TMPO: variants seen among roughly 807,000 people sequenced by gnomAD.
TMPO encodes the protein LEM domain containing 4.
TMPO carries 22 observed loss-of-function variants against 45.4 expected under a neutral mutation model. The observed-to-expected ratio is 0.48, with a 90% CI of 0.35 to 0.69. TMPO has a LOEUF of 0.69. Ranked by LOEUF, TMPO falls within the 30% of genes least tolerant of loss-of-function variation. The probability of loss-of-function intolerance (pLI) is 0.01; values close to 1 mark genes in which losing one functional copy is unlikely to be tolerated. For missense variants in TMPO, 512 were observed against 548.8 expected, an observed-to-expected ratio of 0.93 and a Z score of 0.67; for synonymous variants, 241 against 204.1, an observed-to-expected ratio of 1.18 and a Z score of -1.54.
rs370234157 is a variant in TMPO, at chr12:98,526,183, A to G, written c.280-1703A>G. 1.2e-4 allele frequency among the ~76,000 whole-genome samples: 19 copies of G among 152,356 alleles called. No individual in the cohort carries two copies. In the East Asian group the frequency reaches 1.7e-3, roughly 14 times the overall value. Reference sequence around the variant, plus strand: ...TATTTTTAGTAAACTGGTGGTACAGAAGTTAATCTGGTGACTAAACTGTGT... The same window carrying G: ...TATTTTTAGTAAACTGGTGGTACAGGAGTTAATCTGGTGACTAAACTGTGT... On this transcript the variant is annotated intron_variant, in intron 1 of 8. Coordinates refer to ENST00000556029, the MANE Select transcript of TMPO (RefSeq NM_001032283.3).
intron 4 of TMPO, among the ~76,000 whole-genome samples, chr12:98,537,938 C>T (rs187129467): frequency 6.6e-6 from 1 of 152,252 alleles, no homozygotes; most frequent in African/African-American, 2.4e-5. Context: ...CTCTAGATTT[C>T]TGACTTTGAT....
chr12:98,521,100 A>ATTTTTT lies in TMPO; in HGVS notation c.279+4974_279+4979dup, dbSNP rs398044704. Among the ~76,000 whole-genome samples the ATTTTTT allele has an allele frequency of 1.8e-4, 14 of 76,772 alleles. 1 individual carries two copies. The highest frequency in any genetic ancestry group is 4.4e-4 in the South Asian group (1 of 2,258). 50.4% of individuals were successfully genotyped at this position (76,772 alleles called of 152,430 possible). On this transcript the variant is annotated intron_variant, in intron 1 of 8. Coordinates refer to ENST00000556029, the MANE Select transcript of TMPO (RefSeq NM_001032283.3). ...CTATTTAATCATGGGTTTATGAGGA[A>ATTTTTT]TTTTTTTTTTTTTTTTTTTTTTTTT...
chr12:98,526,885 G>T (rs1157885213), intron 1 of TMPO, among the ~76,000 whole-genome samples: 1 of 151,970 alleles, frequency 6.6e-6, no homozygotes, highest in Non-Finnish European at 1.5e-5. Context: ...TTGAACCCGG[G>T]AGTCGGAGGT....
At chr12:98,535,826 T>G (rs1428853682) in intron 3 of TMPO, among the ~76,000 whole-genome samples, 2 of 152,232 alleles carry the variant, frequency 1.3e-5, no homozygotes, top group Non-Finnish European at 2.9e-5. Flanking sequence ...TTTTATTGAC[T>G]GTTGGAATCT....
chr12:98,545,570 TAAAGG>T (rs1334332339), intron 7 of TMPO, among the ~76,000 whole-genome samples: 2 of 152,202 alleles, frequency 1.3e-5, no homozygotes, highest in African/African-American at 4.8e-5. Flanking sequence ...GTTCTGGACA[TAAAGG>T]TAAACAGTAA....
intron 1 of TMPO, among the ~76,000 whole-genome samples, chr12:98,516,686 A>C (rs1392631985): frequency 2.6e-5 from 4 of 152,050 alleles, no homozygotes; most frequent in Non-Finnish European, 4.4e-5. Context: ...TGAACCGTTT[A>C]TGTTTTCTAG....
chr12:98,534,158 A>T (rs752271954), intron 3 of TMPO: 1 of 1,613,940 alleles, frequency 6.2e-7, no homozygotes, highest in Non-Finnish European at 8.5e-7. Flanking sequence ...GCTGCATTTG[A>T]TGAAGTGAAG....
At chr12:98,526,920 T>C (rs1876804982) in intron 1 of TMPO, among the ~76,000 whole-genome samples, 1 of 151,478 alleles carries the variant, frequency 6.6e-6, no homozygotes. Context: ...ATTGCACCGC[T>C]GCGCTCCAGC....
chr12:98,517,675 C>G (rs73136485), intron 1 of TMPO, among the ~76,000 whole-genome samples: 10,669 of 152,328 alleles, frequency 0.07, 532 homozygotes, highest in South Asian at 0.15. Context: ...AGTCCGGTGT[C>G]TGGCACATAG....
rs1877344567 is a variant in TMPO, at chr12:98,533,459, C to T, written c.565+1621C>T. 1 of 1,614,088 alleles carries T rather than the reference C, an allele frequency of 6.2e-7. No individual in the cohort carries two copies. Among genetic ancestry groups the T allele is most frequent in the South Asian group, 1.1e-5 (1 of 91,072 alleles). On this transcript the variant is annotated intron_variant, in intron 3 of 8. Transcript: ENST00000556029. ...TTGCCTGGAACTTCTAACTCTATGC[C>T]CCCACTGGATGTAGAAAACATACAG...
rs200273530 is a variant in TMPO, at chr12:98,547,842, C to G, written c.1349C>G (p.Pro450Arg). The G allele has an allele frequency of 1.8e-5, 29 of 1,614,030 alleles. No homozygotes were observed. The highest frequency in any genetic ancestry group is 2.4e-5 in the Non-Finnish European group (28 of 1,180,008). Residue 450 changes from proline to arginine, a missense_variant, in exon 9 of 9, where the codon CCT becomes CGT. Pro to Arg is a moderately radical substitution (Grantham distance 103). Around this residue, in one of 3 missense-constraint regions of TMPO, gnomAD observed 209 missense variants for 235.1 expected, o/e 0.89. Coordinates refer to ENST00000556029, the MANE Select transcript of TMPO (RefSeq NM_001032283.3). ...TTCTCTAATTTTCTTCATGTTGACC[C>G]TAGAAAATCCAACTGAATGGTATCT... ...NPFSNFLHVD[P>R]RKSN
chr12:98,528,086 T>G lies in TMPO; in HGVS notation c.406+74T>G, dbSNP rs1204126216. On this transcript the variant is annotated intron_variant, in intron 2 of 8. Transcript: ENST00000556029. Reference sequence around the variant, plus strand: ...CCCAAATTATTTTCTCCTTTTTGTTTAGCAGTTTAGGTTCCAAGGACTGGT... The same window carrying G: ...CCCAAATTATTTTCTCCTTTTTGTTGAGCAGTTTAGGTTCCAAGGACTGGT... 1.9e-6 allele frequency: 3 copies of G among 1,578,314 alleles called. No homozygotes were observed. In the Admixed American group the frequency reaches 5.0e-5, roughly 26 times the overall value.
chr12:98,539,865 A>AT (rs1244502592), intron 4 of TMPO, among the ~76,000 whole-genome samples: 1 of 152,252 alleles, frequency 6.6e-6, no homozygotes, highest in East Asian at 1.9e-4. Context: ...AAAAGTCAGC[A>AT]TTTTAGCATA....
At chr12:98,541,400 C>T (rs929552639) in intron 4 of TMPO, among the ~76,000 whole-genome samples, 2 of 152,124 alleles carry the variant, frequency 1.3e-5, no homozygotes, top group African/African-American at 4.8e-5. Context: ...TTATGTTATA[C>T]TTGTATCATT....
chr12:98,543,045 C>T (rs1307228309), intron 4 of TMPO, among the ~76,000 whole-genome samples: 1 of 151,978 alleles, frequency 6.6e-6, no homozygotes, highest in Non-Finnish European at 1.5e-5. Context: ...TAGATAAATA[C>T]AAAACCATGA....
At chr12:98,529,564 T>G (rs1407354742) in intron 2 of TMPO, among the ~76,000 whole-genome samples, 1 of 152,082 alleles carries the variant, frequency 6.6e-6, no homozygotes, top group Non-Finnish European at 1.5e-5. Flanking sequence ...AAATTCCATT[T>G]TATTATTATT....
At chr12:98,543,213 C>A (rs80327367) in intron 4 of TMPO, among the ~76,000 whole-genome samples, 2,955 of 152,212 alleles carry the variant, frequency 0.019, 92 homozygotes, top group African/African-American at 0.067. Flanking sequence ...CATCAGTAAT[C>A]TAGGTTAAAT....
intron 4 of TMPO, among the ~76,000 whole-genome samples, chr12:98,538,416 A>G (rs1050140672): frequency 6.6e-6 from 1 of 152,064 alleles, no homozygotes; most frequent in African/African-American, 2.4e-5. Context: ...CAGTGGCGTG[A>G]TCCCATCTCA....
intron 2 of TMPO, among the ~76,000 whole-genome samples, chr12:98,530,039 G>C (rs966954013): frequency 1.3e-5 from 2 of 152,070 alleles, no homozygotes; most frequent in African/African-American, 4.8e-5. Context: ...AAATGTTTTT[G>C]TTTAAAGTTC....
Sources: gnomAD v4.1 joint callset for allele counts (sites outside exome capture counted in the v4.1 genomes callset) on GRCh38, gnomAD v4.1.1 for gene constraint, gnomAD v4.1.1 regional missense constraint, MANE v1.5 for transcripts, NCBI Gene and HGNC (gene_info 2026-07-23, HGNC 2026-07-21) for gene names.